Variants in GPR84 observed in about 807,000 individuals in gnomAD.
The protein encoded by GPR84 is G protein-coupled receptor 84.
A neutral mutation model predicts 14.9 loss-of-function variants in GPR84; 8 were observed. That is an observed-to-expected ratio of 0.54 (90% confidence interval 0.31 to 0.97). The LOEUF (loss-of-function observed/expected upper bound fraction) is 0.97, where lower values mean the gene tolerates loss of function less well. GPR84 is among the 50% of genes least tolerant of loss of function. The probability of loss-of-function intolerance (pLI) is 0.04; values close to 1 mark genes in which losing one functional copy is unlikely to be tolerated. For synonymous variants in GPR84, 164 were observed against 198.1 expected, an observed-to-expected ratio of 0.83 and a Z score of 1.45; for missense variants, 424 against 498.7, an observed-to-expected ratio of 0.85 and a Z score of 1.43.
the GPR84 span, among the ~76,000 whole-genome samples, chr12:54,354,770 C>T: frequency 6.6e-6 from 1 of 151,962 alleles, no homozygotes; most frequent in African/African-American, 2.4e-5. Flanking sequence ...TCAATCTCTT[C>T]CCTCTCATTT....
the GPR84 span, among the ~76,000 whole-genome samples, chr12:54,356,804 C>A: frequency 1.3e-5 from 2 of 152,178 alleles, no homozygotes; most frequent in Non-Finnish European, 2.9e-5. Context: ...TCTTAAACTC[C>A]TCTGCAAGCT....
chr12:54,359,196 C>T (rs114239968), downstream of GPR84, among the ~76,000 whole-genome samples: 4 of 152,084 alleles, frequency 2.6e-5, no homozygotes, highest in South Asian at 8.3e-4. Flanking sequence ...CCCCCCTCCC[C>T]GCGGCTGCTG....
the GPR84 span, among the ~76,000 whole-genome samples, chr12:54,352,508 T>C: frequency 4.6e-5 from 7 of 152,114 alleles, no homozygotes; most frequent in African/African-American, 1.7e-4. Context: ...CTCTGCAGGA[T>C]TTTTAAGGAG....
In GPR84 at chr12:54,363,512, T is replaced by C. The variant is rs377317669; in HGVS notation, c.340A>G (p.Ile114Val). 8 of 1,613,912 alleles carry C rather than the reference T, an allele frequency of 5.0e-6. No individual in the cohort carries two copies. Among genetic ancestry groups the C allele is most frequent in the Non-Finnish European group, 6.8e-6 (8 of 1,179,918 alleles). ...ATGAGGAGGTAGCGTCCCAGTGCGA[T>C]GAGGCAGAGGGTCAGGATGGAGACA... is the stretch of plus-strand genomic sequence containing the variant. The part of the protein sequence containing the change: ...NSVSILTLCL[I>V]ALGRYLLIAH... The change falls in exon 2 of 2, where the codon ATC becomes GTC. Residue 114 changes from isoleucine (I) to valine (V), a missense_variant. Ile to Val is a conservative substitution (Grantham distance 29). Coordinates refer to ENST00000267015, the MANE Select transcript of GPR84 (RefSeq NM_020370.3).
chr12:54,362,417 C>T, downstream of GPR84: 2 of 428,150 alleles, frequency 4.7e-6, no homozygotes, highest in Non-Finnish European at 4.2e-6. The surrounding 1 kb of genome is among the most constrained non-coding windows in gnomAD (Gnocchi z 4.0). Context: ...GACCTGTTTC[C>T]TTCTTCCCCA....
downstream of GPR84, among the ~76,000 whole-genome samples, chr12:54,358,424 A>C (rs578184096): frequency 2.0e-5 from 3 of 151,974 alleles, no homozygotes; most frequent in South Asian, 2.1e-4. Context: ...CAAACAAAAA[A>C]CCAAAAACCT....
At chr12:54,361,892 AC>A (rs1430654224), downstream of GPR84, among the ~76,000 whole-genome samples, 1 of 152,212 alleles carries the variant, frequency 6.6e-6, no homozygotes, top group Non-Finnish European at 1.5e-5. This position sits in a 1 kb window ranked among gnomAD's most constrained non-coding sequence, Gnocchi z 4.3. Flanking sequence ...CATGGGCAGG[AC>A]CCTGCCAGGG....
chr12:54,356,343 A>T, the GPR84 span, among the ~76,000 whole-genome samples: 3 of 152,322 alleles, frequency 2.0e-5, no homozygotes, highest in Admixed American at 6.5e-5. Flanking sequence ...CCTGAGAGGT[A>T]CAAGGAGCAG....
the GPR84 span, chr12:54,351,062 C>G: frequency 6.0e-6 from 1 of 165,722 alleles, no homozygotes. Context: ...TTCTTACTGC[C>G]CTGTCCTCTG....
At chr12:54,359,171 T>A (rs961034546), downstream of GPR84, among the ~76,000 whole-genome samples, 1 of 151,770 alleles carries the variant, frequency 6.6e-6, no homozygotes, top group African/African-American at 2.4e-5. Flanking sequence ...CACTCCTCAC[T>A]CCCTAGCAGC....
At chr12:54,350,875 G>T in the GPR84 span, 6 of 294,232 alleles carry the variant, frequency 2.0e-5, no homozygotes, top group South Asian at 2.3e-4. Flanking sequence ...GTAGGAGAAA[G>T]AATGTGCTGA....
rs760388005 is a variant in GPR84 at position 54,363,380 on chromosome 12, T to C, written c.472A>G (p.Ile158Val). 3.7e-6 allele frequency: 6 copies of C among 1,614,014 alleles called. No homozygotes were observed. The South Asian group carries it at 5.5e-5, about 15-fold the overall frequency. Reference sequence around the variant, plus strand: ...CAGACTACAGGTACCAGGATATAAATAGGCCAGAGGGGAGCAAAGCTGGCC... The same window carrying C: ...CAGACTACAGGTACCAGGATATAAACAGGCCAGAGGGGAGCAAAGCTGGCC... ...GVASFAPLWP[I>V]YILVPVVCTC... is the part of the protein sequence containing the mutation. The change falls in exon 2 of 2, where the codon ATT (isoleucine) becomes GTT (valine). Residue 158 changes from isoleucine to valine, a missense_variant. Transcript: ENST00000267015.
At chr12:54,350,759 G>A in the GPR84 span, 1 of 574,296 alleles carries the variant, frequency 1.7e-6, no homozygotes, top group Non-Finnish European at 3.1e-6. Flanking sequence ...AATAGGGCAG[G>A]GGAAGCACCC....
In GPR84 at chr12:54,363,275, T is replaced by C. The variant is rs1352579007; in HGVS notation, c.577A>G (p.Ser193Gly). 1.9e-6 allele frequency: 3 copies of C among 1,614,160 alleles called. No homozygotes were observed. The highest frequency in any genetic ancestry group is 2.5e-6 in the Non-Finnish European group (3 of 1,180,014). Residue 193 changes from serine to glycine, a missense_variant, in exon 2 of 2, where the codon AGT (serine) becomes GGT (glycine). Ser to Gly is a moderately conservative substitution (Grantham distance 56). Transcript: ENST00000267015. ...ATGAGGCAATAGAAGATGCCAACAC[T>C]GCTGAGCCCAAGCACAAAGTAGATG... ...MGIYFVLGLS[S>G]VGIFYCLIHR...
At chr12:54,359,330 C>G (rs1418965806), downstream of GPR84, among the ~76,000 whole-genome samples, 2 of 152,000 alleles carry the variant, frequency 1.3e-5, no homozygotes, top group Non-Finnish European at 2.9e-5. Flanking sequence ...CAATGAAAGG[C>G]CCTGGGCTGA....
chr12:54,362,006 C>T (rs1954274434), downstream of GPR84, among the ~76,000 whole-genome samples: 1 of 152,230 alleles, frequency 6.6e-6, no homozygotes, highest in Non-Finnish European at 1.5e-5. This position sits in a 1 kb window ranked among gnomAD's most constrained non-coding sequence, Gnocchi z 4.0. Flanking sequence ...AGAGTGAGGG[C>T]TGGGGGACTG....
At chr12:54,354,146 A>C in the GPR84 span, among the ~76,000 whole-genome samples, 1 of 141,162 alleles carries the variant, frequency 7.1e-6, no homozygotes, top group African/African-American at 2.7e-5. Flanking sequence ...ACAGGGTCTC[A>C]CTCTGTCACC....
chr12:54,364,057 A>G (rs1022892048), intron 1 of GPR84, 198 bp from the exon 2 acceptor site: 11 of 468,390 alleles, frequency 2.3e-5, no homozygotes, highest in African/African-American at 1.9e-4. Flanking sequence ...GTCCTTTCCC[A>G]TTCTCAAATA....
chr12:54,363,173 C>T lies in GPR84; in HGVS notation c.679G>A (p.Val227Met). Residue 227 changes from valine (V) to methionine (M), a missense_variant, in exon 2 of 2, where the codon GTG (valine) becomes ATG (methionine). Physicochemically the swap from Val to Met is conservative, Grantham distance 21 (BLOSUM62 1). Transcript: ENST00000267015. ...LRQASIHSNH[V>M]ARTDEAMPGR... Reference sequence around the variant, plus strand: ...GGCATGGCCTCATCAGTCCTGGCCACATGGTTGGAGTGGATGCTTGCCTGT... The same window carrying T: ...GGCATGGCCTCATCAGTCCTGGCCATATGGTTGGAGTGGATGCTTGCCTGT... 1.2e-6 allele frequency: 2 copies of T among 1,614,194 alleles called. No homozygotes were observed. Among genetic ancestry groups the T allele is most frequent in the Non-Finnish European group, 1.7e-6 (2 of 1,180,044 alleles).
Sources: allele counts gnomAD v4.1 joint callset (sites outside exome capture counted in the v4.1 genomes callset), GRCh38; gene constraint gnomAD v4.1.1; non-coding constraint Gnocchi (gnomAD v3.1); transcripts MANE v1.5; gene names NCBI Gene and HGNC (gene_info 2026-07-23, HGNC 2026-07-21).